Variants in NFIA observed in about 807,000 individuals in gnomAD.
NFIA encodes nuclear factor 1 A-type.
A neutral mutation model predicts 62.8 loss-of-function variants in NFIA; 8 were observed. That is an observed-to-expected ratio of 0.13 (90% CI 0.07 to 0.23). The LOEUF (loss-of-function observed/expected upper bound fraction) is 0.23, where lower values mean the gene tolerates loss of function less well. Among genes scored for constraint, NFIA ranks in the 10% least tolerant of loss-of-function variants. The probability of loss-of-function intolerance (pLI) is 1.00; values close to 1 mark genes in which losing one functional copy is unlikely to be tolerated. For synonymous variants in NFIA, 235 were observed against 238.1 expected (o/e 0.99, Z 0.12); for missense variants, 410 against 642.1 (o/e 0.64, Z 3.91).
At chr1:61,110,447 G>A (rs1317739228) in intron 2 of NFIA, among the ~76,000 whole-genome samples, 1 of 151,734 alleles carries the variant, frequency 6.6e-6, no homozygotes, top group Non-Finnish European at 1.5e-5. Flanking sequence ...CAGTATCTGC[G>A]GGCAAGCATA....
intron 3 of NFIA, among the ~76,000 whole-genome samples, chr1:61,301,526 C>G (rs1389763452): frequency 6.6e-6 from 1 of 152,094 alleles, no homozygotes; most frequent in African/African-American, 2.4e-5. Flanking sequence ...ACAGAGTAAA[C>G]AAACAGGATT....
At chr1:61,424,362 A>G (rs1478291585) in intron 9 of NFIA, among the ~76,000 whole-genome samples, 1 of 148,416 alleles carries the variant, frequency 6.7e-6, no homozygotes, top group Non-Finnish European at 1.5e-5. Context: ...AACCCCCAGA[A>G]TGGCTTCTGT....
At chr1:61,393,285 CTCT>C (rs1665095149) in intron 7 of NFIA, among the ~76,000 whole-genome samples, 1 of 82,318 alleles carries the variant, frequency 1.2e-5, no homozygotes, top group Non-Finnish European at 2.1e-5. Flanking sequence ...CTCTCTCTCT[CTCT>C]CTCCCTCTTT....
chr1:61,169,790 G>A (rs771489979), intron 2 of NFIA, among the ~76,000 whole-genome samples: 5 of 151,826 alleles, frequency 3.3e-5, no homozygotes, highest in Non-Finnish European at 7.4e-5. Flanking sequence ...ATAATTCTTT[G>A]GTGTTCTCTG....
intron 2 of NFIA, 64 bp from the exon 3 acceptor site, chr1:61,277,456 G>T: frequency 2.0e-6 from 3 of 1,491,554 alleles, no homozygotes; most frequent in Non-Finnish European, 9.3e-7. Flanking sequence ...AGAAAGTCTG[G>T]CACCTCTGAT....
chr1:61,379,841 C>G (rs934105379), intron 6 of NFIA, among the ~76,000 whole-genome samples: 19 of 152,194 alleles, frequency 1.2e-4, no homozygotes, highest in South Asian at 4.1e-4. Context: ...ACATGAGCCA[C>G]CAGCCCAGCC....
chr1:61,359,326 A>G, intron 6 of NFIA, 52 bp downstream of exon 6: 1 of 1,610,676 alleles, frequency 6.2e-7, no homozygotes, highest in South Asian at 1.1e-5. Flanking sequence ...AACTGAAAAT[A>G]CGTGTGGGGT....
At chr1:61,324,373 C>T (rs1177525374) in intron 3 of NFIA, among the ~76,000 whole-genome samples, 1 of 152,126 alleles carries the variant, frequency 6.6e-6, no homozygotes, top group Non-Finnish European at 1.5e-5. Flanking sequence ...GGATGGAACC[C>T]TATTTACCAA....
intron 2 of NFIA, among the ~76,000 whole-genome samples, chr1:61,235,463 AAAAT>A (rs200048964): frequency 0.12 from 14,777 of 121,382 alleles, 850 homozygotes; most frequent in Admixed American, 0.15. Flanking sequence ...ACTCCATCTC[AAAAT>A]AAATAAATAA....
intron 3 of NFIA, among the ~76,000 whole-genome samples, chr1:61,310,403 C>T (rs921661833): frequency 5.3e-5 from 8 of 152,254 alleles, no homozygotes; most frequent in African/African-American, 1.7e-4. Context: ...AGTGAGGAGG[C>T]GATGCTGGTG....
chr1:61,416,584 A>G (rs1666357978), intron 9 of NFIA, among the ~76,000 whole-genome samples: 1 of 152,154 alleles, frequency 6.6e-6, no homozygotes. Flanking sequence ...ATCTTATAAC[A>G]TAATTGGTTA....
intron 2 of NFIA, among the ~76,000 whole-genome samples, chr1:61,104,700 C>G (rs766468909): frequency 1.3e-5 from 2 of 151,972 alleles, no homozygotes; most frequent in Admixed American, 6.6e-5. Context: ...GTTTTCATAT[C>G]TAAAAGCTTC....
chr1:61,222,113 A>T (rs1654050812), intron 2 of NFIA, among the ~76,000 whole-genome samples: 1 of 152,174 alleles, frequency 6.6e-6, no homozygotes, highest in South Asian at 2.1e-4. Context: ...AAAGTGATCT[A>T]CGTGTTTTAA....
chr1:61,338,217 G>C (rs7521242), intron 4 of NFIA, among the ~76,000 whole-genome samples: 1 of 151,940 alleles, frequency 6.6e-6, no homozygotes, highest in Admixed American at 6.5e-5. Flanking sequence ...TCAGTTACCC[G>C]GACTGATTTT....
At chr1:61,339,782 C>G (rs1282776204) in intron 4 of NFIA, among the ~76,000 whole-genome samples, 1 of 67,450 alleles carries the variant, frequency 1.5e-5, no homozygotes, top group Non-Finnish European at 3.6e-5. Context: ...TATGGGTGGC[C>G]AAGCTTGATT....
chr1:61,338,887 G>A (rs1350078525), intron 4 of NFIA, among the ~76,000 whole-genome samples: 1 of 152,214 alleles, frequency 6.6e-6, no homozygotes, highest in African/African-American at 2.4e-5. Flanking sequence ...CACGATAGCT[G>A]TGATCATTGC....
chr1:61,267,166 T>C (rs1048392220), intron 2 of NFIA, among the ~76,000 whole-genome samples: 3 of 152,200 alleles, frequency 2.0e-5, no homozygotes, highest in African/African-American at 7.2e-5. Context: ...TTCTGTACTA[T>C]GTATGCAATT....
At chr1:61,420,488 C>T (rs1367653370) in intron 9 of NFIA, among the ~76,000 whole-genome samples, 3 of 151,988 alleles carry the variant, frequency 2.0e-5, no homozygotes, top group Non-Finnish European at 4.4e-5. Context: ...TTCTTAGGCA[C>T]GTTTCCTTTA....
chr1:61,151,381 G>GC (rs1437966992), intron 2 of NFIA, among the ~76,000 whole-genome samples: 1 of 37,894 alleles, frequency 2.6e-5, no homozygotes, highest in African/African-American at 7.2e-5. Context: ...GGCTAATACA[G>GC]CTTTTTTTTT....
Sources: allele counts gnomAD v4.1 joint callset (sites outside exome capture counted in the v4.1 genomes callset), GRCh38; gene constraint gnomAD v4.1.1; transcripts MANE v1.5; gene names NCBI Gene and HGNC (gene_info 2026-07-23, HGNC 2026-07-21).